The following PPP2R3A variants were observed in gnomAD, a reference collection of about 807,000 sequenced individuals.
The protein encoded by PPP2R3A is protein phosphatase 2 regulatory subunit B''alpha.
In PPP2R3A, 80 loss-of-function variants were observed where a neutral mutation model predicts 106.9. That is an observed-to-expected ratio of 0.75 (90% CI 0.62 to 0.90). The LOEUF is 0.90. PPP2R3A is among the 40% of genes least tolerant of loss of function. The pLI is 0.00. For missense variants in PPP2R3A, 1,386 were observed against 1,350.4 expected (o/e 1.03, Z -0.41); for synonymous variants, 483 against 468.3 (o/e 1.03, Z -0.41).
intron 13 of PPP2R3A, among the ~76,000 whole-genome samples, chr3:136,117,580 G>A (rs1032820377): frequency 5.3e-5 from 8 of 152,064 alleles, no homozygotes; most frequent in Non-Finnish European, 8.8e-5. Flanking sequence ...ACAAACTACT[G>A]TCAGAGAATA....
At chr3:136,062,873 C>G (rs947725497) in intron 5 of PPP2R3A, among the ~76,000 whole-genome samples, 10 of 152,056 alleles carry the variant, frequency 6.6e-5, no homozygotes, top group African/African-American at 2.4e-4. Context: ...TCAATGACAT[C>G]CCCATCAAGC....
At chr3:136,117,940 C>T (rs1576324055) in intron 13 of PPP2R3A, among the ~76,000 whole-genome samples, 2 of 152,284 alleles carry the variant, frequency 1.3e-5, no homozygotes, top group East Asian at 3.9e-4. Context: ...GAATCTCAGG[C>T]CAGTATTCCT....
rs80155632 is a variant in PPP2R3A at position 136,090,852 on chromosome 3, A to G, written c.2927+185A>G. ...TTGGCACTGAATCCATGTTCATGGC[A>G]TATCAAGAGAAGTGCTGTTACCCAC... On this transcript the variant is annotated intron_variant, in intron 10 of 13. Transcript: ENST00000264977. Among the ~76,000 whole-genome samples, 622 of 152,368 alleles carry G rather than the reference A, an allele frequency of 4.1e-3. 5 individuals carry two copies. The highest frequency in any genetic ancestry group is 0.012 in the African/African-American group (508 of 41,574).
intron 5 of PPP2R3A, among the ~76,000 whole-genome samples, chr3:136,053,458 C>G (rs556712794): frequency 6.6e-6 from 1 of 152,214 alleles, no homozygotes; most frequent in South Asian, 2.1e-4. Context: ...GAAGTGAGCT[C>G]CTGTGCTCAT....
intron 13 of PPP2R3A, among the ~76,000 whole-genome samples, chr3:136,120,943 A>G (rs548263941): frequency 6.6e-6 from 1 of 152,316 alleles, no homozygotes; most frequent in African/African-American, 2.4e-5. Context: ...AGATGTTGGC[A>G]GGGTTCCAGA....
At chr3:136,096,066 A>G (rs1262587427) in intron 10 of PPP2R3A, among the ~76,000 whole-genome samples, 1 of 152,224 alleles carries the variant, frequency 6.6e-6, no homozygotes, top group East Asian at 1.9e-4. Context: ...ACTTTATAAT[A>G]AAGTATTGAG....
intron 13 of PPP2R3A, among the ~76,000 whole-genome samples, chr3:136,135,296 G>C (rs951193089): frequency 1.3e-5 from 2 of 152,104 alleles, no homozygotes; most frequent in Admixed American, 6.6e-5. Context: ...AGGTCCCAAG[G>C]GGCAAGGAGG....
intron 6 of PPP2R3A, among the ~76,000 whole-genome samples, chr3:136,071,008 C>T (rs1936413834): frequency 6.6e-6 from 1 of 152,236 alleles, no homozygotes; most frequent in Non-Finnish European, 1.5e-5. Flanking sequence ...ATCACAATCT[C>T]ATTTTGTGAG....
Position 136,120,138 on chromosome 3 carries a change from G to T in PPP2R3A, c.3329+13816G>T, listed in dbSNP as rs546289683. 3.8e-3 allele frequency among the ~76,000 whole-genome samples: 575 copies of T among 151,916 alleles called. 11 individuals are homozygous for T. Among genetic ancestry groups the T allele is most frequent in the Non-Finnish European group, 1.3e-3 (85 of 67,966 alleles). ...TTAACATATCCAGGCCTGTCCGGGG[G>T]GGGTGGGGGCTAGGGGAGTGATAGC... On this transcript the variant is annotated intron_variant, in intron 13 of 13. Coordinates refer to ENST00000264977, the MANE Select transcript of PPP2R3A (RefSeq NM_002718.5).
At chr3:136,095,891 C>G (rs1224878085) in intron 10 of PPP2R3A, among the ~76,000 whole-genome samples, 3 of 152,114 alleles carry the variant, frequency 2.0e-5, no homozygotes, top group Admixed American at 2.0e-4. Flanking sequence ...CCTCCACTTA[C>G]AGTAGGGCTA....
At chr3:135,966,804 C>G (rs1459685945) in intron 1 of PPP2R3A, among the ~76,000 whole-genome samples, 3 of 152,112 alleles carry the variant, frequency 2.0e-5, no homozygotes, top group Non-Finnish European at 4.4e-5. Context: ...AAGTATTCCT[C>G]CTCAAATCTT....
intron 2 of PPP2R3A, among the ~76,000 whole-genome samples, chr3:136,010,607 T>C (rs1934033620): frequency 6.6e-6 from 1 of 151,940 alleles, no homozygotes; most frequent in South Asian, 2.1e-4. Flanking sequence ...TTTGTATTTT[T>C]AGTAGAGACG....
chr3:136,090,736 A>G, intron 10 of PPP2R3A, 69 bp downstream of exon 10: 4 of 1,300,392 alleles, frequency 3.1e-6, no homozygotes, highest in East Asian at 2.4e-5. Context: ...GTCATGGTGT[A>G]TATTATACCT....
chr3:136,078,958 A>T (rs907671099), intron 7 of PPP2R3A, among the ~76,000 whole-genome samples: 26 of 152,234 alleles, frequency 1.7e-4, no homozygotes, highest in African/African-American at 6.3e-4. Context: ...GAAAGTATTG[A>T]CCACTAGTGG....
intron 5 of PPP2R3A, among the ~76,000 whole-genome samples, chr3:136,050,368 G>A (rs13072782): frequency 0.66 from 100,425 of 152,140 alleles, 35,277 homozygotes; most frequent in African/African-American, 0.9. Context: ...TTTAGCCTTC[G>A]TTTACCAGGT....
intron 2 of PPP2R3A, among the ~76,000 whole-genome samples, chr3:136,007,693 G>A (rs1031125923): frequency 4.6e-5 from 7 of 152,088 alleles, no homozygotes; most frequent in Admixed American, 2.6e-4. Context: ...CTTACAGTAC[G>A]CTATATACAA....
At chr3:136,124,251 A>G (rs929673651) in intron 13 of PPP2R3A, among the ~76,000 whole-genome samples, 38 of 152,312 alleles carry the variant, frequency 2.5e-4, no homozygotes, top group Admixed American at 2.4e-3. Context: ...GCACTCTGGG[A>G]GGACAAGTTG....
Position 136,041,262 on chromosome 3 carries a change from G to GTTTTTTTTTTTTT in PPP2R3A, c.2366+301_2366+313dup, listed in dbSNP as rs71157355. 1.1e-4 allele frequency among the ~76,000 whole-genome samples: 11 copies of GTTTTTTTTTTTTT among 96,588 alleles called. 1 individual carries two copies. Among genetic ancestry groups the GTTTTTTTTTTTTT allele is most frequent in the Admixed American group, 2.4e-4 (2 of 8,340 alleles). 63.4% of individuals were successfully genotyped at this position (96,588 alleles called of 152,430 possible). ...TGTTTTTTTTTTTGTTTTTTTTTTT[G>GTTTTTTTTTTTTT]TTTTTTTTTTTTTGAGACAGAATGT... On this transcript the variant is annotated intron_variant, in intron 4 of 13. Coordinates refer to ENST00000264977, the MANE Select transcript of PPP2R3A (RefSeq NM_002718.5).
intron 5 of PPP2R3A, among the ~76,000 whole-genome samples, chr3:136,061,079 A>G (rs1239337850): frequency 2.0e-5 from 3 of 152,338 alleles, no homozygotes; most frequent in Non-Finnish European, 1.5e-5. Context: ...ATGCTGATAC[A>G]AGAAAAAGCT....
Sources: gnomAD v4.1 joint callset for allele counts (sites outside exome capture counted in the v4.1 genomes callset) on GRCh38, gnomAD v4.1.1 for gene constraint, MANE v1.5 for transcripts, NCBI Gene and HGNC (gene_info 2026-07-23, HGNC 2026-07-21) for gene names.